Variants in GALNT16 observed in about 807,000 individuals in gnomAD.
The protein encoded by GALNT16 is polypeptide N-acetylgalactosaminyltransferase 16.
In GALNT16, 40 loss-of-function variants were observed where a neutral mutation model predicts 76.1. That is an observed-to-expected ratio of 0.53 (90% CI 0.41 to 0.68). The LOEUF (loss-of-function observed/expected upper bound fraction) is 0.68. Among genes scored for constraint, GALNT16 ranks in the 30% least tolerant of loss-of-function variants. The pLI, the probability that GALNT16 is intolerant of heterozygous loss-of-function variation, is 0.00. For missense variants in GALNT16, 621 were observed against 731.9 expected, an observed-to-expected ratio of 0.85 and a Z score of 1.75; for synonymous variants, 276 against 285.2, an observed-to-expected ratio of 0.97 and a Z score of 0.32.
downstream of GALNT16, among the ~76,000 whole-genome samples, chr14:69,359,765 C>T (rs527556251): frequency 1.7e-4 from 26 of 152,318 alleles, no homozygotes; most frequent in African/African-American, 5.8e-4. Flanking sequence ...CGGTGGCTCA[C>T]GCCTGGAATT....
At chr14:69,325,547 C>G in intron 4 of GALNT16, 143 bp downstream of exon 4, 1 of 672,556 alleles carries the variant, frequency 1.5e-6, no homozygotes, top group Non-Finnish European at 2.7e-6. Flanking sequence ...TTTTCTAGGA[C>G]CCCTCCCTGG....
Position 69,333,251 on chromosome 14 carries a change from C to A in GALNT16, c.863+82C>A, listed in dbSNP as rs938202765. The A allele has an allele frequency of 1.1e-5, 11 of 960,748 alleles. No individual in the cohort carries two copies. The highest frequency in any genetic ancestry group is 4.7e-5 in the South Asian group (3 of 64,264). 59.5% of individuals were successfully genotyped at this position (960,748 alleles called of 1,614,324 possible). On this transcript the variant is annotated intron_variant, in intron 8 of 14. Transcript: ENST00000448469. This position sits in a 1 kb window ranked among gnomAD's most constrained non-coding sequence, Gnocchi z 4.2. ...GAGGCTCTTGGGAGGCTGTATCGGT[C>A]GCTTGGGCTCCTGAGGCGCACTAAG... is the stretch of plus-strand genomic sequence containing the variant.
downstream of GALNT16, among the ~76,000 whole-genome samples, chr14:69,359,951 G>A (rs371887344): frequency 6.6e-6 from 1 of 152,110 alleles, no homozygotes; most frequent in Non-Finnish European, 1.5e-5. Context: ...CTTGAACCCA[G>A]GAGGCAGAGG....
intron 1 of GALNT16, among the ~76,000 whole-genome samples, chr14:69,318,720 G>T (rs1594846922): frequency 3.9e-5 from 6 of 152,324 alleles, no homozygotes; most frequent in Admixed American, 3.9e-4. Flanking sequence ...ATAACGAAGT[G>T]CATACTCTCC....
At chr14:69,336,167 G>T (rs116394657) in intron 9 of GALNT16, among the ~76,000 whole-genome samples, 5,811 of 152,246 alleles carry the variant, frequency 0.038, 135 homozygotes, top group South Asian at 0.055. Flanking sequence ...CTGGAAGGCA[G>T]TGGCACAATC....
intron 1 of GALNT16, among the ~76,000 whole-genome samples, chr14:69,284,414 T>A (rs1392599358): frequency 6.6e-6 from 1 of 152,142 alleles, no homozygotes; most frequent in African/African-American, 2.4e-5. Context: ...ACTCACCCCG[T>A]GTGGCGTGTG....
At chr14:69,279,643 T>C (rs2140114447) in intron 1 of GALNT16, among the ~76,000 whole-genome samples, 1 of 152,352 alleles carries the variant, frequency 6.6e-6, no homozygotes, top group African/African-American at 2.4e-5. Context: ...GTGGGGGCCG[T>C]GTCAGGGCGT....
intron 1 of GALNT16, among the ~76,000 whole-genome samples, chr14:69,303,104 G>C (rs2044877315): frequency 6.6e-6 from 1 of 152,196 alleles, no homozygotes; most frequent in South Asian, 2.1e-4. Context: ...TGCTAGACCA[G>C]AGGTTGTGAA....
At chr14:69,301,241 A>C (rs2044847572) in intron 1 of GALNT16, among the ~76,000 whole-genome samples, 1 of 152,190 alleles carries the variant, frequency 6.6e-6, no homozygotes, top group Non-Finnish European at 1.5e-5. Context: ...TTCCTGAGGA[A>C]AGAGTCCATA....
intron 13 of GALNT16, 48 bp from the exon 14 acceptor site, chr14:69,347,829 C>T: frequency 6.2e-7 from 1 of 1,602,518 alleles, no homozygotes. Flanking sequence ...CATCTCTCCA[C>T]CCATCGCTGT....
At chr14:69,375,707 C>T in the GALNT16 span, among the ~76,000 whole-genome samples, 1,157 of 152,302 alleles carry the variant, frequency 7.6e-3, 16 homozygotes, top group African/African-American at 0.026. Flanking sequence ...AATCATAGCT[C>T]ACTGAAGCCG....
intron 1 of GALNT16, among the ~76,000 whole-genome samples, chr14:69,265,872 G>A (rs759342472): frequency 1.1e-4 from 17 of 152,236 alleles, no homozygotes; most frequent in Non-Finnish European, 5.9e-5. Flanking sequence ...TCTTTGACCC[G>A]TACCTGTCTA....
chr14:69,299,270 G>A (rs1027398327), intron 1 of GALNT16, among the ~76,000 whole-genome samples: 1 of 152,170 alleles, frequency 6.6e-6, no homozygotes, highest in Non-Finnish European at 1.5e-5. Flanking sequence ...TGTCCCTACT[G>A]TTCCTCCAGA....
rs535046198 is a variant in GALNT16 at position 69,347,460 on chromosome 14, T to C, written c.1413+279T>C. ...CTGAGATCCAGCTGGGGTCGGCTCA[T>C]GTGACAGGCAATGTCCAAGACTCCT... On this transcript the variant is annotated intron_variant, in intron 13 of 14. Transcript: ENST00000448469. 5.9e-5 allele frequency among the ~76,000 whole-genome samples: 9 copies of C among 152,306 alleles called. No homozygotes were observed. In the East Asian group the frequency reaches 1.7e-3, roughly 29 times the overall value.
At chr14:69,336,722 A>C (rs1290036) in intron 9 of GALNT16, among the ~76,000 whole-genome samples, 1 of 150,894 alleles carries the variant, frequency 6.6e-6, no homozygotes, top group African/African-American at 2.4e-5. Context: ...TATTTTTTTC[A>C]TTTTATTTAT....
chr14:69,344,600 A>G (rs1269765970), intron 12 of GALNT16, among the ~76,000 whole-genome samples: 1 of 152,218 alleles, frequency 6.6e-6, no homozygotes, highest in Non-Finnish European at 1.5e-5. Flanking sequence ...CAGGACTGCT[A>G]CCACGATGAC....
At chr14:69,360,437 G>C (rs939831536), downstream of GALNT16, among the ~76,000 whole-genome samples, 5 of 152,064 alleles carry the variant, frequency 3.3e-5, no homozygotes, top group East Asian at 9.7e-4. Context: ...AGACCAGCCT[G>C]GCCAACATGG....
chr14:69,270,759 T>G (rs2044397834), intron 1 of GALNT16, among the ~76,000 whole-genome samples: 1 of 152,150 alleles, frequency 6.6e-6, no homozygotes, highest in South Asian at 2.1e-4. Context: ...AAGTTCTCAC[T>G]GGATAGGGAG....
At chr14:69,291,187 G>A (rs547731172) in intron 1 of GALNT16, among the ~76,000 whole-genome samples, 38 of 152,258 alleles carry the variant, frequency 2.5e-4, no homozygotes, top group African/African-American at 5.8e-4. Flanking sequence ...CAGCTAACTC[G>A]GGAGGCTGAG....
Sources: allele counts gnomAD v4.1 joint callset (sites outside exome capture counted in the v4.1 genomes callset), GRCh38; gene constraint gnomAD v4.1.1; non-coding constraint Gnocchi (gnomAD v3.1); transcripts MANE v1.5; gene names NCBI Gene and HGNC (gene_info 2026-07-23, HGNC 2026-07-21).